The following MRPL44 variants were observed in gnomAD, a reference collection of about 807,000 sequenced individuals.
MRPL44 encodes large ribosomal subunit protein mL44.
MRPL44 carries 21 observed loss-of-function variants against 25.9 expected under a neutral mutation model. The observed-to-expected ratio is 0.81, with a 90% confidence interval of 0.58 to 1.17. The LOEUF (loss-of-function observed/expected upper bound fraction) is 1.17. MRPL44 is among the 50% of genes most tolerant of loss of function. The probability of loss-of-function intolerance (pLI) is 0.00; values close to 1 mark genes in which losing one functional copy is unlikely to be tolerated. For missense variants in MRPL44, 410 were observed against 398.9 expected, an observed-to-expected ratio of 1.03 and a Z score of -0.24; for synonymous variants, 169 against 151.0, an observed-to-expected ratio of 1.12 and a Z score of -0.87.
Position 223,957,636 on chromosome 2 carries a change from C to G in MRPL44, c.164C>G (p.Pro55Arg). 6.2e-7 allele frequency: 1 copy of G among 1,608,246 alleles called. No individual in the cohort carries two copies. Among genetic ancestry groups the G allele is most frequent in the East Asian group, 2.2e-5 (1 of 44,852 alleles). The change falls in exon 1 of 4, where the codon CCG (proline) becomes CGG (arginine). Residue 55 changes from proline (P) to arginine (R), a missense_variant. Transcript: ENST00000258383. ...LERQRLLRCP[P>R]PPVRRSEKPN... is the part of the protein sequence containing the mutation. ...CGGCAGCGCCTTCTGCGGTGCCCGCCGCCGCCCGTGCGCCGGTAGGAGCCA... is the reference window on the plus strand; with the variant it reads ...CGGCAGCGCCTTCTGCGGTGCCCGCGGCCGCCCGTGCGCCGGTAGGAGCCA...
upstream of MRPL44, among the ~76,000 whole-genome samples, chr2:223,952,672 A>C (rs1185813326): frequency 1.3e-5 from 2 of 152,174 alleles, no homozygotes; most frequent in Non-Finnish European, 2.9e-5. Context: ...TTGATATGTA[A>C]CCTAACTTGA....
At position 223,965,876 on chromosome 2, in the gene MRPL44, T is replaced by C. The variant is rs1431803621; in HGVS notation, c.828-987T>C. Reference sequence around the variant, plus strand: ...TACTATTTATCTTCTTTCTTTTTTCTTTTTTTTTCAGAGGTCTCACTATGT... The same window carrying C: ...TACTATTTATCTTCTTTCTTTTTTCCTTTTTTTTCAGAGGTCTCACTATGT... On this transcript the variant is annotated intron_variant, in intron 3 of 3. Coordinates refer to ENST00000258383, the MANE Select transcript of MRPL44 (RefSeq NM_022915.5). 5 of 151,410 alleles carry C rather than the reference T, an allele frequency of 3.3e-5. No homozygotes were observed. In the East Asian group the frequency reaches 9.6e-4, roughly 29 times the overall value. The allele number at this position is 151,410 out of a possible 1,614,324, so 9.4% of individuals were successfully genotyped here.
chr2:223,957,182 G>A (rs1378774344), upstream of MRPL44, among the ~76,000 whole-genome samples: 1 of 152,254 alleles, frequency 6.6e-6, no homozygotes, highest in Non-Finnish European at 1.5e-5. Flanking sequence ...GAGTGACAGG[G>A]TGAAGCAACT....
rs374382837 is a variant in MRPL44, at chr2:223,966,963, A to C, written c.928A>C (p.Asn310His). The change falls in exon 4 of 4, where the codon AAT becomes CAT. Residue 310 changes from asparagine to histidine, a missense_variant. Transcript: ENST00000258383. Reference sequence around the variant, plus strand: ...TAGAAAACTTTATGGATTCACAGAAAATAGACGGCCGTGGAACTATTCCAA... The same window carrying C: ...TAGAAAACTTTATGGATTCACAGAACATAGACGGCCGTGGAACTATTCCAA... ...ALRKLYGFTE[N>H]RRPWNYSKPK... The C allele has an allele frequency of 1.9e-6, 3 of 1,614,088 alleles. No homozygotes were observed. The highest frequency in any genetic ancestry group is 2.5e-6 in the Non-Finnish European group (3 of 1,180,038).
chr2:223,955,025 A>C (rs1256195195), upstream of MRPL44, among the ~76,000 whole-genome samples: 4 of 152,252 alleles, frequency 2.6e-5, no homozygotes, highest in Non-Finnish European at 5.9e-5. Flanking sequence ...ATACAGCACA[A>C]GTATCCTATT....
At chr2:223,957,442 C>T (rs200429998), upstream of MRPL44, 3 of 1,613,680 alleles carry the variant, frequency 1.9e-6, no homozygotes, top group African/African-American at 2.7e-5. Flanking sequence ...CGACTACTTT[C>T]GTTCCGTCTT....
At position 223,966,943 on chromosome 2, in the gene MRPL44, A is replaced by G. The variant is rs746768011; in HGVS notation, c.908A>G (p.Lys303Arg). 1 of 1,614,188 alleles carries G rather than the reference A, an allele frequency of 6.2e-7. No homozygotes were observed. Among genetic ancestry groups the G allele is most frequent in the Admixed American group, 1.7e-5 (1 of 60,018 alleles). Reference protein sequence around the residue: ...EEEAARVALRKLYGFTENRRP... With the variant: ...EEEAARVALRRLYGFTENRRP... ...GAGGCTGCTCGAGTGGCCCTTAGAA[A>G]ACTTTATGGATTCACAGAAAATAGA... The change falls in exon 4 of 4, where the codon AAA becomes AGA. Residue 303 changes from lysine (K) to arginine (R), a missense_variant. Coordinates refer to ENST00000258383, the MANE Select transcript of MRPL44 (RefSeq NM_022915.5).
chr2:223,965,437 A>G (rs1459937432), intron 3 of MRPL44, among the ~76,000 whole-genome samples: 1 of 152,186 alleles, frequency 6.6e-6, no homozygotes, highest in African/African-American at 2.4e-5. Flanking sequence ...GACTTAGTAA[A>G]TGCAGTTGCC....
At chr2:223,957,924 C>G (rs1689597748) in intron 1 of MRPL44, among the ~76,000 whole-genome samples, 1 of 152,164 alleles carries the variant, frequency 6.6e-6, no homozygotes, top group Non-Finnish European at 1.5e-5. Flanking sequence ...ACTGGAGGGT[C>G]TTCCTTATGT....
At chr2:223,957,315 T>C (rs545404436), upstream of MRPL44, 17 of 833,820 alleles carry the variant, frequency 2.0e-5, no homozygotes, top group Admixed American at 3.8e-4. Context: ...GCCCCGGGGC[T>C]GTCTCCGCCC....
chr2:223,957,266 C>A, upstream of MRPL44: 1 of 621,610 alleles, frequency 1.6e-6, no homozygotes, highest in Non-Finnish European at 2.8e-6. Flanking sequence ...GAGGAGAGAA[C>A]TAGCGCAAGC....
upstream of MRPL44, among the ~76,000 whole-genome samples, chr2:223,956,849 CTG>C (rs1253254431): frequency 3.3e-5 from 5 of 152,186 alleles, no homozygotes; most frequent in African/African-American, 9.7e-5. Context: ...AAGGAAGAAA[CTG>C]TAATTCCCCT....
chr2:223,962,886 G>C (rs1689685707), intron 2 of MRPL44, among the ~76,000 whole-genome samples: 1 of 151,958 alleles, frequency 6.6e-6, no homozygotes, highest in South Asian at 2.1e-4. Flanking sequence ...ATTTTTAGTA[G>C]TGACAGGGTT....
chr2:223,956,510 G>A (rs1210888756), upstream of MRPL44, among the ~76,000 whole-genome samples: 2 of 152,186 alleles, frequency 1.3e-5, no homozygotes, highest in African/African-American at 4.8e-5. Flanking sequence ...ACGGAAAGAG[G>A]TGAGGAGAGC....
At chr2:223,966,061 A>C (rs1256255071) in intron 3 of MRPL44, among the ~76,000 whole-genome samples, 2 of 152,094 alleles carry the variant, frequency 1.3e-5, no homozygotes, top group African/African-American at 4.8e-5. Context: ...CGTCTCTACT[A>C]AAAATACAAA....
the MRPL44 span, among the ~76,000 whole-genome samples, chr2:223,951,234 T>A: frequency 6.6e-6 from 1 of 152,140 alleles, no homozygotes. Flanking sequence ...GTTCAAGTGG[T>A]GATAGAAGAG....
chr2:223,957,690 C>G, intron 1 of MRPL44, 39 bp downstream of exon 1: 1 of 1,573,816 alleles, frequency 6.4e-7, no homozygotes, highest in Non-Finnish European at 8.6e-7. Flanking sequence ...GGGTGGCGGT[C>G]GCAGACACTG....
chr2:223,958,690 A>G (rs1312581253), intron 1 of MRPL44, among the ~76,000 whole-genome samples: 1 of 152,234 alleles, frequency 6.6e-6, no homozygotes, highest in African/African-American at 2.4e-5. Context: ...GATGACTTAA[A>G]GTATACAGGA....
chr2:223,958,712 G>C (rs377650568), intron 1 of MRPL44, among the ~76,000 whole-genome samples: 1 of 152,118 alleles, frequency 6.6e-6, no homozygotes, highest in South Asian at 2.1e-4. Flanking sequence ...GATGTGCATA[G>C]GTTATATGCA....
Sources: gnomAD v4.1 joint callset for allele counts (sites outside exome capture counted in the v4.1 genomes callset) on GRCh38, gnomAD v4.1.1 for gene constraint, MANE v1.5 for transcripts, NCBI Gene and HGNC (gene_info 2026-07-23, HGNC 2026-07-21) for gene names.